Variants in CADM2 observed in about 807,000 individuals in gnomAD.
CADM2 encodes cell adhesion molecule 2.
CADM2 carries 12 observed loss-of-function variants against 49.8 expected under a neutral mutation model. That is an observed-to-expected ratio of 0.24 (90% CI 0.15 to 0.39). The LOEUF (loss-of-function observed/expected upper bound fraction) is 0.39. Among genes scored for constraint, CADM2 ranks in the 10% least tolerant of loss-of-function variants. CADM2 has a pLI of 1.00. For missense variants in CADM2, 378 were observed against 492.3 expected (o/e 0.77, Z 2.20); for synonymous variants, 214 against 175.4 (o/e 1.22, Z -1.74).
rs182709421 is a variant in CADM2 at position 85,555,823 on chromosome 3, C to T, written c.62-170699C>T. On this transcript the variant is annotated intron_variant, in intron 1 of 9. Coordinates refer to ENST00000383699, the MANE Select transcript of CADM2 (RefSeq NM_001167675.2). ...TGTTAATAAACTCATTTAAATTACA[C>T]GTATATATTTATATAGCTAGTTTAT... Among the ~76,000 whole-genome samples, 546 of 151,984 alleles carry T rather than the reference C, an allele frequency of 3.6e-3. 1 individual carries two copies. The highest frequency in any genetic ancestry group is 5.3e-3 in the Non-Finnish European group (361 of 67,954).
At chr3:85,597,857 T>A (rs2063288619) in intron 1 of CADM2, among the ~76,000 whole-genome samples, 1 of 152,140 alleles carries the variant, frequency 6.6e-6, no homozygotes. Context: ...GTACTTTTCA[T>A]AATGTGTTTA....
intron 8 of CADM2, among the ~76,000 whole-genome samples, chr3:86,015,911 A>T (rs532113759): frequency 1.6e-4 from 24 of 152,258 alleles, no homozygotes; most frequent in Non-Finnish European, 3.2e-4. Flanking sequence ...AACCTGGAAA[A>T]CCTACAAAAA....
intron 1 of CADM2, among the ~76,000 whole-genome samples, chr3:85,276,957 A>C (rs531167196): frequency 6.6e-6 from 1 of 151,480 alleles, no homozygotes; most frequent in African/African-American, 2.4e-5. Flanking sequence ...TACATGTATA[A>C]ATCCTTTGAA....
chr3:84,959,318 G>A lies in CADM2; in HGVS notation c.-290G>A. On this transcript the variant is annotated 5_prime_UTR_variant, in exon 1 of 10. Coordinates refer to ENST00000383699, the MANE Select transcript of CADM2 (RefSeq NM_001167675.2). ...TGGGACTTGCTGTGCGCGCCGAGAG[G>A]AAGGCAAGCTCCAAACCCCTGCCTG... The A allele has an allele frequency of 1.9e-6, 1 of 527,764 alleles. No individual in the cohort carries two copies. The highest frequency in any genetic ancestry group is 3.4e-6 in the Non-Finnish European group (1 of 295,092). The allele number at this position is 527,764 out of a possible 1,614,324, so 32.7% of individuals were successfully genotyped here. A position where few individuals can be genotyped will look rare whatever the true frequency, so the allele number is the denominator to read the frequency against.
chr3:85,411,307 G>A (rs1353152457), intron 1 of CADM2, among the ~76,000 whole-genome samples: 2 of 152,276 alleles, frequency 1.3e-5, no homozygotes, highest in African/African-American at 4.8e-5. Flanking sequence ...TAGCATTCAT[G>A]AACATGACTG....
intron 2 of CADM2, among the ~76,000 whole-genome samples, chr3:85,743,613 T>C (rs1270868675): frequency 1.3e-5 from 2 of 152,158 alleles, no homozygotes; most frequent in African/African-American, 2.4e-5. Flanking sequence ...CAGACAGTTA[T>C]TGATCCCAGT....
At chr3:85,028,043 GA>G (rs530112348) in intron 1 of CADM2, among the ~76,000 whole-genome samples, 1 of 151,950 alleles carries the variant, frequency 6.6e-6, no homozygotes, top group African/African-American at 2.4e-5. Context: ...GGCAGAGATA[GA>G]AAAAAACCCA....
At position 85,049,455 on chromosome 3, in the gene CADM2, A is replaced by G. The variant is rs2035796996; in HGVS notation, c.61+89787A>G. Among the ~76,000 whole-genome samples the G allele has an allele frequency of 3.3e-5, 5 of 151,916 alleles. No individual in the cohort carries two copies. In the South Asian group the frequency reaches 1.0e-3, roughly 32 times the overall value. Reference sequence around the variant, plus strand: ...AAGCTCCGCCTCCCGGGTTCACGCCATTCTCCTGCCTCAGCCTCCCGAGTA... The same window carrying G: ...AAGCTCCGCCTCCCGGGTTCACGCCGTTCTCCTGCCTCAGCCTCCCGAGTA... On this transcript the variant is annotated intron_variant, in intron 1 of 9. Transcript: ENST00000383699.
intron 5 of CADM2, among the ~76,000 whole-genome samples, chr3:85,912,002 C>T (rs1300921722): frequency 2.0e-5 from 3 of 150,782 alleles, no homozygotes; most frequent in Admixed American, 6.6e-5. Flanking sequence ...AGTGCAGTGG[C>T]GCCATCTCTG....
rs922843124 is a variant in CADM2, at chr3:85,769,572, T to C, written c.89-32475T>C. ...ACATATATGTATATATACACGTATA[T>C]ACATATATACATATATAGTATATAC... On this transcript the variant is annotated intron_variant, in intron 2 of 9. Transcript: ENST00000383699. Among the ~76,000 whole-genome samples the C allele has an allele frequency of 9.0e-5, 10 of 110,680 alleles. 2 individuals carry two copies. The highest frequency in any genetic ancestry group is 3.4e-4 in the African/African-American group (8 of 23,362). The allele number at this position is 110,680 out of a possible 152,430, so 72.6% of individuals were successfully genotyped here.
Position 85,657,103 on chromosome 3 carries a change from A to G in CADM2, c.62-69419A>G, listed in dbSNP as rs543053041. Among the ~76,000 whole-genome samples, 1,003 of 152,248 alleles carry G rather than the reference A, an allele frequency of 6.6e-3. 17 individuals are homozygous for G. Among genetic ancestry groups the G allele is most frequent in the African/African-American group, 0.023 (966 of 41,546 alleles). Reference sequence around the variant, plus strand: ...TTAGATTCAAGCCATCTCCTCTACGAGGGCTTTTCTAAACTTTTAGCTAGC... The same window carrying G: ...TTAGATTCAAGCCATCTCCTCTACGGGGGCTTTTCTAAACTTTTAGCTAGC... On this transcript the variant is annotated intron_variant, in intron 1 of 9. Transcript: ENST00000383699.
At chr3:85,950,464 G>A (rs1723297399) in intron 7 of CADM2, among the ~76,000 whole-genome samples, 2 of 151,092 alleles carry the variant, frequency 1.3e-5, no homozygotes, top group Non-Finnish European at 3.0e-5. Flanking sequence ...GAATTATACA[G>A]TTTCTAGTGC....
At chr3:85,774,205 A>G (rs1019944464) in intron 2 of CADM2, among the ~76,000 whole-genome samples, 7 of 151,836 alleles carry the variant, frequency 4.6e-5, no homozygotes, top group African/African-American at 1.7e-4. Flanking sequence ...CTCTCAACAA[A>G]CAGTTGTACA....
chr3:85,736,856 A>T (rs942615069), intron 2 of CADM2, among the ~76,000 whole-genome samples: 2 of 152,176 alleles, frequency 1.3e-5, no homozygotes, highest in Non-Finnish European at 2.9e-5. Flanking sequence ...CTGGAAACTT[A>T]CAGTAGTCCA....
chr3:85,848,857 A>T (rs903044761), intron 3 of CADM2, among the ~76,000 whole-genome samples: 1 of 152,222 alleles, frequency 6.6e-6, no homozygotes, highest in African/African-American at 2.4e-5. Flanking sequence ...ATTTCATCAC[A>T]AACAAACTAG....
intron 1 of CADM2, among the ~76,000 whole-genome samples, chr3:85,645,255 A>T (rs918258458): frequency 2.0e-5 from 3 of 152,108 alleles, no homozygotes; most frequent in Non-Finnish European, 4.4e-5. Flanking sequence ...CAAGTAAGGC[A>T]TTTAAAACAC....
chr3:85,318,410 C>A (rs2044520963), intron 1 of CADM2, among the ~76,000 whole-genome samples: 1 of 151,806 alleles, frequency 6.6e-6, no homozygotes, highest in African/African-American at 2.4e-5. Context: ...ATATATGAAT[C>A]CTAAGTTTGA....
At position 85,574,875 on chromosome 3, in the gene CADM2, C is replaced by T. The variant is rs557249795; in HGVS notation, c.62-151647C>T. 7.0e-4 allele frequency among the ~76,000 whole-genome samples: 106 copies of T among 152,250 alleles called. 1 individual carries two copies. In the South Asian group the frequency reaches 0.017, roughly 25 times the overall value. On this transcript the variant is annotated intron_variant, in intron 1 of 9. Coordinates refer to ENST00000383699, the MANE Select transcript of CADM2 (RefSeq NM_001167675.2). ...AGCACTTTAGCAAACTCTCTGGTCA[C>T]AGCAGGAGGCACCTGGTTGTGACCT...
chr3:85,787,901 T>C (rs903698876), intron 2 of CADM2, among the ~76,000 whole-genome samples: 12 of 152,112 alleles, frequency 7.9e-5, no homozygotes, highest in African/African-American at 2.7e-4. Flanking sequence ...TATTTTTCAG[T>C]TCTTTCAACA....
Sources: gnomAD v4.1 joint callset for allele counts (sites outside exome capture counted in the v4.1 genomes callset) on GRCh38, gnomAD v4.1.1 for gene constraint, MANE v1.5 for transcripts, NCBI Gene and HGNC (gene_info 2026-07-23, HGNC 2026-07-21) for gene names.